Variants in ERC2 observed in about 807,000 individuals in gnomAD.
ERC2 encodes the protein ERC protein 2.
ERC2 carries 42 observed loss-of-function variants against 114.8 expected under a neutral mutation model. The observed-to-expected ratio is 0.37, with a 90% CI of 0.29 to 0.47. ERC2 has a LOEUF of 0.47. Ranked by LOEUF, ERC2 falls within the 20% of genes least tolerant of loss-of-function variation. The pLI, the probability that ERC2 is intolerant of heterozygous loss-of-function variation, is 0.99. For missense variants in ERC2, 939 were observed against 1,150.7 expected (o/e 0.82, Z 2.66); for synonymous variants, 454 against 425.5 (o/e 1.07, Z -0.82).
intron 15 of ERC2, among the ~76,000 whole-genome samples, chr3:55,722,831 A>G (rs2064662599): frequency 6.6e-6 from 1 of 152,214 alleles, no homozygotes; most frequent in Non-Finnish European, 1.5e-5. Flanking sequence ...TGTTTTCAGA[A>G]TGTAGCCTGA....
At chr3:55,838,196 T>C (rs1559741208) in intron 14 of ERC2, among the ~76,000 whole-genome samples, 1 of 152,206 alleles carries the variant, frequency 6.6e-6, no homozygotes, top group East Asian at 1.9e-4. Context: ...CTGTGCATTA[T>C]TAACCACTTT....
chr3:55,937,520 A>C (rs2066520063), intron 13 of ERC2, among the ~76,000 whole-genome samples: 1 of 152,220 alleles, frequency 6.6e-6, no homozygotes, highest in African/African-American at 2.4e-5. Context: ...TACTGGGGTC[A>C]AACCTCTCAG....
rs60594862 is a variant in ERC2, at chr3:55,571,124, C to CAA, written c.*40-59850_*40-59849dup. ...GCCTGGCAACAGAGCGAGACTCCGT[C>CAA]AAAAAAAAAAAAAAAAAAAAAAAAA... is the stretch of plus-strand genomic sequence containing the variant. On this transcript the variant is annotated intron_variant, in intron 17 of 17. Coordinates refer to ENST00000288221, the MANE Select transcript of ERC2 (RefSeq NM_015576.3). Among the ~76,000 whole-genome samples, 449 of 67,376 alleles carry CAA rather than the reference C, an allele frequency of 6.7e-3. 21 individuals are homozygous for CAA. The highest frequency in any genetic ancestry group is 0.017 in the African/African-American group (387 of 23,238). 44.2% of individuals were successfully genotyped at this position (67,376 alleles called of 152,430 possible). A position where few individuals can be genotyped will look rare whatever the true frequency, so the allele number is the denominator to read the frequency against.
At chr3:55,823,259 G>A (rs557275412) in intron 14 of ERC2, among the ~76,000 whole-genome samples, 1 of 152,220 alleles carries the variant, frequency 6.6e-6, no homozygotes, top group African/African-American at 2.4e-5. Flanking sequence ...CTTGCTCCAA[G>A]GCTTTAAATT....
intron 13 of ERC2, among the ~76,000 whole-genome samples, chr3:55,896,547 G>C (rs554176202): frequency 1.1e-4 from 16 of 152,326 alleles, no homozygotes; most frequent in Non-Finnish European, 2.4e-4. Context: ...TAATTCACCA[G>C]ACAATAATAT....
At chr3:55,673,008 C>T (rs1189010979) in intron 17 of ERC2, among the ~76,000 whole-genome samples, 3 of 152,174 alleles carry the variant, frequency 2.0e-5, no homozygotes, top group South Asian at 2.1e-4. Context: ...CCTCACACAT[C>T]GTCACCTCCT....
At chr3:55,579,316 T>C (rs989843162) in intron 17 of ERC2, among the ~76,000 whole-genome samples, 1 of 152,158 alleles carries the variant, frequency 6.6e-6, no homozygotes, top group Admixed American at 6.5e-5. Flanking sequence ...TTTGGTACGT[T>C]TTTCAATTTG....
At chr3:55,554,596 T>A (rs1178040400) in intron 17 of ERC2, among the ~76,000 whole-genome samples, 1 of 152,182 alleles carries the variant, frequency 6.6e-6, no homozygotes, top group African/African-American at 2.4e-5. Flanking sequence ...GTGAATGGCC[T>A]TTTCCTCTTC....
At chr3:55,934,727 T>C (rs1357962985) in intron 13 of ERC2, among the ~76,000 whole-genome samples, 1 of 152,166 alleles carries the variant, frequency 6.6e-6, no homozygotes, top group African/African-American at 2.4e-5. Flanking sequence ...ATTTAGGCCT[T>C]TAAGGAATCA....
intron 12 of ERC2, among the ~76,000 whole-genome samples, chr3:55,965,155 G>C (rs2068657015): frequency 6.6e-6 from 1 of 152,182 alleles, no homozygotes; most frequent in East Asian, 1.9e-4. Context: ...CTCAAGTGGA[G>C]GAAATTATAC....
Position 55,674,597 on chromosome 3 carries a change from T to C in ERC2, c.*39+9197A>G, listed in dbSNP as rs182446390. 1.4e-4 allele frequency among the ~76,000 whole-genome samples: 21 copies of C among 152,320 alleles called. No homozygotes were observed. The East Asian group carries it at 3.9e-3, about 28-fold the overall frequency. ...ATTATTATTTCAGGGCCTCGTCTTA[T>C]GTTTGCCCTCTGATGGACAAAGATA... is the stretch of plus-strand genomic sequence containing the variant. On this transcript the variant is annotated intron_variant, in intron 17 of 17. Transcript: ENST00000288221.
chr3:56,171,007 G>T (rs139235422), intron 4 of ERC2, among the ~76,000 whole-genome samples: 1 of 151,748 alleles, frequency 6.6e-6, no homozygotes, highest in Non-Finnish European at 1.5e-5. Context: ...CTCATGATCC[G>T]CCTGCCTCGG....
chr3:55,716,877 T>C (rs2064150798), intron 15 of ERC2, among the ~76,000 whole-genome samples: 1 of 152,188 alleles, frequency 6.6e-6, no homozygotes, highest in Non-Finnish European at 1.5e-5. Context: ...TGCAAGGCTA[T>C]CTATATATGG....
chr3:55,571,679 G>C (rs943723491), intron 17 of ERC2, among the ~76,000 whole-genome samples: 7 of 152,214 alleles, frequency 4.6e-5, no homozygotes, highest in African/African-American at 1.4e-4. Context: ...ATTCTGTGGA[G>C]TGTTCAGAAG....
intron 8 of ERC2, among the ~76,000 whole-genome samples, chr3:56,011,849 T>C (rs970943025): frequency 3.9e-5 from 6 of 152,194 alleles, no homozygotes; most frequent in African/African-American, 1.4e-4. Flanking sequence ...TGTAAAATAG[T>C]ATTTAATGCA....
chr3:56,319,912 C>T (rs980359797), intron 2 of ERC2, among the ~76,000 whole-genome samples: 10 of 152,196 alleles, frequency 6.6e-5, no homozygotes, highest in Non-Finnish European at 8.8e-5. Flanking sequence ...GAGATCATGA[C>T]TAAAAAATTT....
chr3:55,646,788 T>C (rs2060416718), intron 17 of ERC2, among the ~76,000 whole-genome samples: 1 of 152,172 alleles, frequency 6.6e-6, no homozygotes, highest in Non-Finnish European at 1.5e-5. Context: ...CAACAAATAT[T>C]TTCTGAATAA....
intron 15 of ERC2, among the ~76,000 whole-genome samples, chr3:55,716,090 G>A (rs1308009724): frequency 6.6e-6 from 1 of 152,146 alleles, no homozygotes; most frequent in East Asian, 1.9e-4. Context: ...GAAAATGCTG[G>A]TTCCAAGCTG....
chr3:56,112,833 C>CA (rs1200438052), intron 6 of ERC2, among the ~76,000 whole-genome samples: 1 of 152,092 alleles, frequency 6.6e-6, no homozygotes, highest in Non-Finnish European at 1.5e-5. Context: ...GGGAGGTCAA[C>CA]ACCACACTCC....
Sources: allele counts gnomAD v4.1 joint callset (sites outside exome capture counted in the v4.1 genomes callset), GRCh38; gene constraint gnomAD v4.1.1; transcripts MANE v1.5; gene names NCBI Gene and HGNC (gene_info 2026-07-23, HGNC 2026-07-21).